Variants in PPP3R1 observed in about 807,000 individuals in gnomAD.
PPP3R1 encodes calcineurin subunit B type 1.
PPP3R1 carries 5 observed loss-of-function variants against 22.6 expected under a neutral mutation model. The observed-to-expected ratio is 0.22, with a 90% CI of 0.12 to 0.46. The LOEUF (loss-of-function observed/expected upper bound fraction) is 0.46. Among genes scored for constraint, PPP3R1 ranks in the 20% least tolerant of loss-of-function variants. PPP3R1 has a pLI of 0.99. For synonymous variants in PPP3R1, 56 were observed against 65.2 expected (o/e 0.86, Z 0.68); for missense variants, 61 against 203.2 (o/e 0.30, Z 4.25).
intron 1 of PPP3R1, among the ~76,000 whole-genome samples, chr2:68,247,244 T>C (rs547496329): frequency 3.2e-4 from 47 of 148,348 alleles, no homozygotes; most frequent in Non-Finnish European, 6.9e-4. Flanking sequence ...TGAGCCACTG[T>C]GCCTAGCCCA....
chr2:68,193,364 AT>A (rs1674704886), intron 2 of PPP3R1, among the ~76,000 whole-genome samples: 1 of 152,026 alleles, frequency 6.6e-6, no homozygotes, highest in Non-Finnish European at 1.5e-5. Flanking sequence ...CCAACCACTC[AT>A]TTATTTCCTC....
Position 68,186,480 on chromosome 2 carries a change from T to G in PPP3R1, c.453A>C (p.Glu151Asp), listed in dbSNP as rs1674548438. ...CTTTTGTACTTACAGCACAGAATTCTTCAAAGGATATTCTTCCATCTCCAT... is the reference window on the plus strand; with the variant it reads ...CTTTTGTACTTACAGCACAGAATTCGTCAAAGGATATTCTTCCATCTCCAT... The part of the protein sequence containing the change: ...DKDGDGRISF[E>D]EFCAVVGGLD... The change falls in exon 5 of 6, where the codon GAA becomes GAC. Residue 151 changes from glutamate to aspartate, a missense_variant. Transcript: ENST00000234310. 1 of 1,612,610 alleles carries G rather than the reference T, an allele frequency of 6.2e-7. No homozygotes were observed. The highest frequency in any genetic ancestry group is 8.5e-7 in the Non-Finnish European group (1 of 1,178,976).
intron 2 of PPP3R1, among the ~76,000 whole-genome samples, chr2:68,199,326 T>C (rs929691166): frequency 1.3e-5 from 2 of 152,218 alleles, no homozygotes; most frequent in African/African-American, 2.4e-5. Context: ...ATATTATCCT[T>C]GTATCCTACA....
chr2:68,191,212 T>A (rs1674660409), intron 2 of PPP3R1, among the ~76,000 whole-genome samples: 1 of 152,172 alleles, frequency 6.6e-6, no homozygotes, highest in South Asian at 2.1e-4. Context: ...TGTATGAACA[T>A]CAGAGTGTAC....
In PPP3R1 at chr2:68,190,259, A is replaced by T. The variant is rs1396284962; in HGVS notation, c.44-1569T>A. On this transcript the variant is annotated intron_variant, in intron 2 of 5. Coordinates refer to ENST00000234310, the MANE Select transcript of PPP3R1 (RefSeq NM_000945.4). ...AGGATCAGGGCAAGTTTCTCTTAAA[A>T]AAAAAAAAAAAAAAAAAAAAAAAGG... Among the ~76,000 whole-genome samples the T allele has an allele frequency of 2.0e-4, 26 of 129,600 alleles. 1 individual carries two copies. Among genetic ancestry groups the T allele is most frequent in the African/African-American group, 6.9e-4 (19 of 27,436 alleles). 85.0% of individuals were successfully genotyped at this position (129,600 alleles called of 152,430 possible).
chr2:68,191,339 G>GTAAC (rs1674664526), intron 2 of PPP3R1, among the ~76,000 whole-genome samples: 1 of 152,198 alleles, frequency 6.6e-6, no homozygotes, highest in Non-Finnish European at 1.5e-5. Flanking sequence ...GTAGGCAATT[G>GTAAC]TAACACAATG....
intron 1 of PPP3R1, among the ~76,000 whole-genome samples, chr2:68,241,674 T>C (rs1670140143): frequency 2.0e-5 from 3 of 152,022 alleles, no homozygotes; most frequent in Admixed American, 1.3e-4. Context: ...TGAAATACCG[T>C]CTCTACTAAA....
intron 1 of PPP3R1, among the ~76,000 whole-genome samples, chr2:68,218,125 A>T (rs957279189): frequency 6.6e-6 from 1 of 152,178 alleles, no homozygotes; most frequent in Non-Finnish European, 1.5e-5. Context: ...CCTATATTCT[A>T]TTTATCTAAC....
chr2:68,181,449 A>G lies in PPP3R1; in HGVS notation c.466-439T>C, dbSNP rs892153863. Among the ~76,000 whole-genome samples, 3 of 152,210 alleles carry G rather than the reference A, an allele frequency of 2.0e-5. No homozygotes were observed. In the East Asian group the frequency reaches 5.8e-4, roughly 29 times the overall value. On this transcript the variant is annotated intron_variant, in intron 5 of 5. Coordinates refer to ENST00000234310, the MANE Select transcript of PPP3R1 (RefSeq NM_000945.4). ...ATTCAGAAGGTGAATTTAAAGACAC[A>G]CAAAAAACCAAAACAACAAAACTTG...
Position 68,203,439 on chromosome 2 carries a change from T to C in PPP3R1, c.43+13653A>G, listed in dbSNP as rs142577829. Among the ~76,000 whole-genome samples the C allele has an allele frequency of 2.7e-3, 414 of 152,190 alleles. 3 individuals carry two copies. The highest frequency in any genetic ancestry group is 6.3e-3 in the African/African-American group (260 of 41,536). ...CAACATGGTGAAACCTTGTCTCTAA[T>C]ACAAATACAAAATTAACCAGGTGTG... On this transcript the variant is annotated intron_variant, in intron 2 of 5. Coordinates refer to ENST00000234310, the MANE Select transcript of PPP3R1 (RefSeq NM_000945.4).
chr2:68,219,811 C>A (rs573828498), intron 1 of PPP3R1, among the ~76,000 whole-genome samples: 10 of 152,226 alleles, frequency 6.6e-5, no homozygotes, highest in African/African-American at 2.4e-4. Context: ...AGTCCTAAAG[C>A]TAACATGTTT....
chr2:68,251,178 G>C (rs970917253), intron 1 of PPP3R1: 1 of 152,266 alleles, frequency 6.6e-6, no homozygotes, highest in Non-Finnish European at 1.5e-5. Flanking sequence ...GAACCGGTAA[G>C]GTAACAGGCT....
At chr2:68,227,580 G>GAA (rs748780568) in intron 1 of PPP3R1, among the ~76,000 whole-genome samples, 10 of 141,920 alleles carry the variant, frequency 7.0e-5, no homozygotes, top group African/African-American at 2.0e-4. Flanking sequence ...TTTTAGGAGG[G>GAA]AAAAAAAAAA....
At chr2:68,215,347 A>G (rs1669559382) in intron 2 of PPP3R1, among the ~76,000 whole-genome samples, 1 of 152,106 alleles carries the variant, frequency 6.6e-6, no homozygotes. Flanking sequence ...TCAAAACCCA[A>G]AACATTTCTG....
At chr2:68,245,488 C>T (rs187799983) in intron 1 of PPP3R1, among the ~76,000 whole-genome samples, 2 of 152,212 alleles carry the variant, frequency 1.3e-5, no homozygotes, top group African/African-American at 4.8e-5. Flanking sequence ...TCTTCTAACA[C>T]TACTTTTCAC....
At chr2:68,230,607 T>C (rs1669879096) in intron 1 of PPP3R1, among the ~76,000 whole-genome samples, 1 of 132,268 alleles carries the variant, frequency 7.6e-6, no homozygotes, top group African/African-American at 2.8e-5. Flanking sequence ...TTTTACACTT[T>C]GAATTGTTCC....
intron 1 of PPP3R1, among the ~76,000 whole-genome samples, chr2:68,229,989 C>CACACACACAT (rs1669862046): frequency 6.8e-6 from 1 of 147,616 alleles, no homozygotes; most frequent in Non-Finnish European, 1.5e-5. Context: ...CACACACACA[C>CACACACACAT]ACACACACAC....
intron 2 of PPP3R1, among the ~76,000 whole-genome samples, chr2:68,204,944 TA>T (rs756906712): frequency 6.6e-6 from 1 of 152,254 alleles, no homozygotes; most frequent in Non-Finnish European, 1.5e-5. Flanking sequence ...AACAGCCACT[TA>T]TTATTAAAGT....
At chr2:68,198,281 GTATGTGTATACACATGTA>G (rs1558630969) in intron 2 of PPP3R1, among the ~76,000 whole-genome samples, 90 of 143,972 alleles carry the variant, frequency 6.3e-4, no homozygotes, top group African/African-American at 2.2e-3. Flanking sequence ...GTGTATGCAT[GTATGTGTATACACATGTA>G]TACATGTATA....
Sources: allele counts gnomAD v4.1 joint callset (sites outside exome capture counted in the v4.1 genomes callset), GRCh38; gene constraint gnomAD v4.1.1; transcripts MANE v1.5; gene names NCBI Gene and HGNC (gene_info 2026-07-23, HGNC 2026-07-21).